The following SGCZ variants were observed in gnomAD, a reference collection of about 807,000 sequenced individuals.
The protein encoded by SGCZ is zeta-sarcoglycan.
Under a neutral mutation model 41.3 loss-of-function variants are expected in SGCZ, and 40 were observed. The ratio of observed to expected loss-of-function variants is 0.97; its 90% CI spans 0.75 to 1.26. SGCZ has a LOEUF of 1.26. SGCZ is among the 50% of genes most tolerant of loss of function. The pLI is 0.00. For missense variants in SGCZ, 552 were observed against 369.8 expected, an observed-to-expected ratio of 1.49 and a Z score of -4.04; for synonymous variants, 206 against 137.5, an observed-to-expected ratio of 1.50 and a Z score of -3.49.
At chr8:14,887,839 A>G (rs1401803589) in intron 1 of SGCZ, among the ~76,000 whole-genome samples, 1 of 152,158 alleles carries the variant, frequency 6.6e-6, no homozygotes, top group Admixed American at 6.6e-5. Flanking sequence ...TATACTCCAG[A>G]TTCATCCATA....
At chr8:14,801,010 T>A (rs1801304625) in intron 1 of SGCZ, among the ~76,000 whole-genome samples, 1 of 152,210 alleles carries the variant, frequency 6.6e-6, no homozygotes, top group South Asian at 2.1e-4. Flanking sequence ...AATACCAGGT[T>A]AACTTTATAA....
intron 5 of SGCZ, among the ~76,000 whole-genome samples, chr8:14,136,707 C>T (rs1462522658): frequency 3.3e-5 from 5 of 152,290 alleles, no homozygotes; most frequent in African/African-American, 7.2e-5. Flanking sequence ...TCCATAGACT[C>T]CACCTCTGGG....
chr8:14,230,434 G>GT (rs1806520432), intron 4 of SGCZ, among the ~76,000 whole-genome samples: 4 of 152,020 alleles, frequency 2.6e-5, no homozygotes, highest in Non-Finnish European at 5.9e-5. Context: ...ACTATATGAG[G>GT]CAAATACTCA....
At chr8:15,026,506 G>C (rs1444886900) in intron 1 of SGCZ, among the ~76,000 whole-genome samples, 1 of 152,128 alleles carries the variant, frequency 6.6e-6, no homozygotes, top group Non-Finnish European at 1.5e-5. Flanking sequence ...AAGGCATAAA[G>C]AAGTTCAAAC....
At chr8:14,365,081 A>C (rs1052969121) in intron 2 of SGCZ, among the ~76,000 whole-genome samples, 1 of 151,984 alleles carries the variant, frequency 6.6e-6, no homozygotes. Context: ...TTTTATCTCT[A>C]TATTGTAAAC....
intron 2 of SGCZ, among the ~76,000 whole-genome samples, chr8:14,401,460 T>C (rs1316097658): frequency 8.9e-5 from 10 of 112,692 alleles, no homozygotes; most frequent in African/African-American, 2.5e-4. Context: ...ACAACAGTCC[T>C]CAGAGTGTGA....
At chr8:15,198,037 ATATT>A (rs1193509431) in intron 1 of SGCZ, among the ~76,000 whole-genome samples, 5 of 147,510 alleles carry the variant, frequency 3.4e-5, no homozygotes, top group Non-Finnish European at 7.4e-5. Flanking sequence ...GTTACATTAT[ATATT>A]TATATTATAT....
At chr8:15,052,679 T>A (rs943573615) in intron 1 of SGCZ, among the ~76,000 whole-genome samples, 7 of 152,098 alleles carry the variant, frequency 4.6e-5, no homozygotes, top group African/African-American at 1.7e-4. Flanking sequence ...GAAAAAAAAA[T>A]TAAGACTTTA....
chr8:14,288,064 C>T (rs937699021), intron 3 of SGCZ, among the ~76,000 whole-genome samples: 12 of 152,014 alleles, frequency 7.9e-5, no homozygotes, highest in African/African-American at 2.9e-4. Flanking sequence ...GAGATAAATA[C>T]TGTGAATTTT....
At chr8:15,078,074 G>C (rs1322384929) in intron 1 of SGCZ, among the ~76,000 whole-genome samples, 2 of 151,034 alleles carry the variant, frequency 1.3e-5, no homozygotes, top group African/African-American at 4.9e-5. Context: ...GGGAGGAGGA[G>C]CCTGTCCTCT....
intron 1 of SGCZ, among the ~76,000 whole-genome samples, chr8:14,713,799 G>T (rs181771868): frequency 6.6e-6 from 1 of 151,790 alleles, no homozygotes; most frequent in Admixed American, 6.6e-5. Context: ...TTGTCACTAA[G>T]ATTTTAAGTG....
chr8:15,087,671 A>C (rs1806000152), intron 1 of SGCZ, among the ~76,000 whole-genome samples: 1 of 152,090 alleles, frequency 6.6e-6, no homozygotes, highest in Non-Finnish European at 1.5e-5. Context: ...TTGTTTTCAG[A>C]TATTGTATTT....
chr8:14,289,992 G>A (rs1340525572), intron 3 of SGCZ, among the ~76,000 whole-genome samples: 1 of 151,850 alleles, frequency 6.6e-6, no homozygotes, highest in Non-Finnish European at 1.5e-5. Context: ...GTTTTAAACA[G>A]CAGATCTTGT....
At chr8:14,184,871 A>T (rs1034452013) in intron 4 of SGCZ, among the ~76,000 whole-genome samples, 13 of 152,228 alleles carry the variant, frequency 8.5e-5, no homozygotes, top group African/African-American at 3.1e-4. Flanking sequence ...ACCAGAATAC[A>T]TTAGAGCATG....
At chr8:14,213,330 G>A (rs1216489201) in intron 4 of SGCZ, among the ~76,000 whole-genome samples, 2 of 151,984 alleles carry the variant, frequency 1.3e-5, no homozygotes, top group African/African-American at 2.4e-5. Context: ...ACCTTTAGGG[G>A]AACAACAATT....
At chr8:14,282,847 CTTTTTTTTT>C (rs1168778028) in intron 3 of SGCZ, among the ~76,000 whole-genome samples, 3 of 89,930 alleles carry the variant, frequency 3.3e-5, no homozygotes, top group African/African-American at 1.4e-4. Context: ...CTTTCAAATA[CTTTTTTTTT>C]TTTTTTTTTT....
At chr8:14,589,604 G>C (rs1216001166) in intron 1 of SGCZ, among the ~76,000 whole-genome samples, 2 of 152,146 alleles carry the variant, frequency 1.3e-5, no homozygotes, top group South Asian at 2.1e-4. Context: ...TTAAAATTGA[G>C]GGAGAAGTAT....
At chr8:14,754,325 A>G (rs1013577374) in intron 1 of SGCZ, among the ~76,000 whole-genome samples, 1 of 152,218 alleles carries the variant, frequency 6.6e-6, no homozygotes, top group African/African-American at 2.4e-5. Flanking sequence ...TCCCTTTCTC[A>G]GCATCATCAT....
In SGCZ at chr8:14,084,859, CTTTGT is replaced by C. The variant is rs978951762; in HGVS notation, c.*5579_*5583del. Reference sequence around the variant, plus strand: ...ATGATATCATGTAAGTTTTTATCCTCTTTGTTTTGACTATCACATTTAATCATGGT... The same window carrying C: ...ATGATATCATGTAAGTTTTTATCCTCTTTGACTATCACATTTAATCATGGT... On this transcript the variant is annotated 3_prime_UTR_variant, in exon 8 of 8. Coordinates refer to ENST00000382080, the MANE Select transcript of SGCZ (RefSeq NM_139167.4). Among the ~76,000 whole-genome samples, 3 of 151,790 alleles carry C rather than the reference CTTTGT, an allele frequency of 2.0e-5. No individual in the cohort carries two copies. Among genetic ancestry groups the C allele is most frequent in the African/African-American group, 4.8e-5 (2 of 41,388 alleles).
Sources: allele counts gnomAD v4.1 joint callset (sites outside exome capture counted in the v4.1 genomes callset), GRCh38; gene constraint gnomAD v4.1.1; transcripts MANE v1.5; gene names NCBI Gene and HGNC (gene_info 2026-07-23, HGNC 2026-07-21).